MREG: variants seen among roughly 807,000 people sequenced by gnomAD.
MREG encodes dilute suppressor protein homolog.
A neutral mutation model predicts 28.5 loss-of-function variants in MREG; 31 were observed. The observed-to-expected ratio is 1.09, with a 90% CI of 0.82 to 1.47. MREG has a LOEUF of 1.47. MREG is among the 40% of genes most tolerant of loss of function. The probability of loss-of-function intolerance (pLI) is 0.00; values close to 1 mark genes in which losing one functional copy is unlikely to be tolerated. For missense variants in MREG, 256 were observed against 257.4 expected (o/e 0.99, Z 0.04); for synonymous variants, 106 against 95.2 (o/e 1.11, Z -0.66).
intron 2 of MREG, among the ~76,000 whole-genome samples, chr2:215,990,352 A>AT (rs1693690358): frequency 6.6e-6 from 1 of 152,164 alleles, no homozygotes; most frequent in Admixed American, 6.5e-5. Flanking sequence ...ATACTGAGAG[A>AT]TTTTGTCATC....
chr2:215,958,510 T>C (rs1692694208), intron 2 of MREG, among the ~76,000 whole-genome samples: 2 of 152,214 alleles, frequency 1.3e-5, no homozygotes, highest in African/African-American at 4.8e-5. Context: ...ATAGGGCAGC[T>C]GGCTGCACTG....
At chr2:215,961,856 T>G (rs3770529) in intron 2 of MREG, among the ~76,000 whole-genome samples, 129,740 of 152,124 alleles carry the variant, frequency 0.85, 55,442 homozygotes, top group Non-Finnish European at 0.88. Context: ...AGGCCCTAAG[T>G]TCCCACCCCA....
chr2:215,943,601 G>C lies in MREG; in HGVS notation c.*1262C>G. The C allele has an allele frequency of 2.4e-6, 1 of 421,848 alleles. No individual in the cohort carries two copies. Among genetic ancestry groups the C allele is most frequent in the Non-Finnish European group, 4.8e-6 (1 of 209,416 alleles). 26.1% of individuals were successfully genotyped at this position (421,848 alleles called of 1,614,324 possible). On this transcript the variant is annotated 3_prime_UTR_variant, in exon 5 of 5. Transcript: ENST00000263268. Reference sequence around the variant, plus strand: ...TCACGCCTGTAATCCCAGCACTTTGGGAGGCTGGGGCAGGCGGATGACGAG... The same window carrying C: ...TCACGCCTGTAATCCCAGCACTTTGCGAGGCTGGGGCAGGCGGATGACGAG...
intron 1 of MREG, among the ~76,000 whole-genome samples, chr2:216,007,271 G>A (rs1264727523): frequency 6.6e-6 from 1 of 152,066 alleles, no homozygotes; most frequent in Non-Finnish European, 1.5e-5. Context: ...TCATGAACAT[G>A]CCTAGAGTGA....
upstream of MREG, among the ~76,000 whole-genome samples, chr2:216,015,200 CGTGTGT>C (rs944930027): frequency 8.6e-5 from 13 of 151,306 alleles, no homozygotes; most frequent in African/African-American, 2.9e-4. Context: ...TGTGCGTGTG[CGTGTGT>C]GTGTTGGGTG....
intron 2 of MREG, among the ~76,000 whole-genome samples, chr2:215,966,164 G>C (rs980834189): frequency 1.3e-5 from 2 of 152,170 alleles, no homozygotes; most frequent in African/African-American, 2.4e-5. Context: ...GGGGGTCCCA[G>C]GGAGACATCC....
intron 1 of MREG, among the ~76,000 whole-genome samples, chr2:216,020,941 G>A (rs530877318): frequency 1.2e-4 from 19 of 152,156 alleles, no homozygotes; most frequent in Non-Finnish European, 2.6e-4. Context: ...AACAGACAGA[G>A]AGAAATTATT....
At chr2:215,996,709 T>C (rs943295862) in intron 1 of MREG, among the ~76,000 whole-genome samples, 4 of 152,004 alleles carry the variant, frequency 2.6e-5, no homozygotes, top group African/African-American at 9.7e-5. Flanking sequence ...CAGAGGTAAT[T>C]ACTACAGTTA....
chr2:216,010,953 G>A (rs1197811270), intron 1 of MREG, among the ~76,000 whole-genome samples: 1 of 151,468 alleles, frequency 6.6e-6, no homozygotes, highest in Non-Finnish European at 1.5e-5. Flanking sequence ...AAAATTAGCC[G>A]GGCGCAGTGG....
upstream of MREG, among the ~76,000 whole-genome samples, chr2:216,014,659 A>AT (rs1553556621): frequency 2.0e-5 from 3 of 151,690 alleles, no homozygotes; most frequent in Non-Finnish European, 4.4e-5. Context: ...AAAAAAAAAA[A>AT]AATAAAATTA....
intron 2 of MREG, among the ~76,000 whole-genome samples, chr2:215,967,403 A>T (rs967810672): frequency 2.0e-5 from 3 of 152,242 alleles, no homozygotes; most frequent in African/African-American, 7.2e-5. Flanking sequence ...TTTTTCACTT[A>T]GACTAATCTC....
intron 2 of MREG, among the ~76,000 whole-genome samples, chr2:215,977,717 T>C (rs1463342433): frequency 6.6e-6 from 1 of 152,154 alleles, no homozygotes; most frequent in Non-Finnish European, 1.5e-5. Flanking sequence ...GAACTCAGGA[T>C]TAAGAAACTC....
At chr2:216,000,508 T>G (rs1693989425) in intron 1 of MREG, among the ~76,000 whole-genome samples, 1 of 151,864 alleles carries the variant, frequency 6.6e-6, no homozygotes, top group Admixed American at 6.6e-5. Context: ...TCACAATAAC[T>G]GCACCTCTGG....
chr2:216,033,167 T>C (rs1694736625), upstream of MREG, among the ~76,000 whole-genome samples: 1 of 152,204 alleles, frequency 6.6e-6, no homozygotes, highest in African/African-American at 2.4e-5. Context: ...GTATAATGTA[T>C]CTGCCACCCA....
chr2:215,976,976 G>A (rs564324883), intron 2 of MREG, among the ~76,000 whole-genome samples: 1 of 152,238 alleles, frequency 6.6e-6, no homozygotes, highest in East Asian at 1.9e-4. Context: ...ATCAACTAAC[G>A]GGCAAAATAA....
intron 1 of MREG, among the ~76,000 whole-genome samples, chr2:216,004,359 G>T (rs572494215): frequency 6.6e-6 from 1 of 151,918 alleles, no homozygotes; most frequent in African/African-American, 2.4e-5. Context: ...CAACACTACC[G>T]CCACCACCAC....
chr2:216,009,728 G>C (rs950820093), intron 1 of MREG, among the ~76,000 whole-genome samples: 6 of 152,064 alleles, frequency 3.9e-5, no homozygotes, highest in Admixed American at 2.0e-4. Context: ...ATAGAGACAG[G>C]GTTCACCATG....
At chr2:215,959,347 T>TCCCGG (rs3836039) in intron 2 of MREG, among the ~76,000 whole-genome samples, 1 of 151,612 alleles carries the variant, frequency 6.6e-6, no homozygotes, top group Non-Finnish European at 1.5e-5. Context: ...TCCATCATCC[T>TCCCGG]AAGTCACCCT....
rs1693872366 is a variant in MREG at position 215,996,340 on chromosome 2, A to G, written c.221T>C (p.Ile74Thr). 1.9e-6 allele frequency: 3 copies of G among 1,613,912 alleles called. No individual in the cohort carries two copies. Among genetic ancestry groups the G allele is most frequent in the South Asian group, 1.1e-5 (1 of 91,064 alleles). Reference protein sequence around the residue: ...ADDDRTLYNLIVIRNQQAKDS... With the variant: ...ADDDRTLYNLTVIRNQQAKDS... ...TTTGGCCTGCTGATTACGAATGACT[A>G]TCAAATTGTACAGGGTTCTGTCGTC... Residue 74 changes from isoleucine to threonine, a missense_variant, in exon 2 of 5, where the codon ATA becomes ACA. Physicochemically the swap from Ile to Thr is moderately conservative, Grantham distance 89. Coordinates refer to ENST00000263268, the MANE Select transcript of MREG (RefSeq NM_018000.3).
Sources: gnomAD v4.1 joint callset for allele counts (sites outside exome capture counted in the v4.1 genomes callset) on GRCh38, gnomAD v4.1.1 for gene constraint, MANE v1.5 for transcripts, NCBI Gene and HGNC (gene_info 2026-07-23, HGNC 2026-07-21) for gene names.